CTNNA2: variants seen among roughly 807,000 people sequenced by gnomAD.
The protein encoded by CTNNA2 is catenin alpha 2.
Under a neutral mutation model 101.0 loss-of-function variants are expected in CTNNA2, and 42 were observed. That is an observed-to-expected ratio of 0.42 (90% CI 0.32 to 0.54). The LOEUF (loss-of-function observed/expected upper bound fraction) is 0.54, where lower values mean the gene tolerates loss of function less well. CTNNA2 is among the 20% of genes least tolerant of loss of function. The pLI is 0.14. For missense variants in CTNNA2, 871 were observed against 1,223.1 expected, an observed-to-expected ratio of 0.71 and a Z score of 4.29; for synonymous variants, 450 against 456.4, an observed-to-expected ratio of 0.99 and a Z score of 0.18.
chr2:79,671,794 T>G (rs1203973835), intron 2 of CTNNA2, among the ~76,000 whole-genome samples: 3 of 152,244 alleles, frequency 2.0e-5, no homozygotes, highest in Admixed American at 2.0e-4. Context: ...GAGATCTTGT[T>G]CTGGATTACT....
At chr2:80,610,131 T>C (rs1698337406) in intron 17 of CTNNA2, among the ~76,000 whole-genome samples, 2 of 151,700 alleles carry the variant, frequency 1.3e-5, no homozygotes, top group Admixed American at 6.6e-5. Context: ...AAATATTTGC[T>C]ATATATGCTC....
rs568787769 is a variant in CTNNA2 at position 79,696,810 on chromosome 2, T to C, written c.102+45152T>C. Among the ~76,000 whole-genome samples, 9 of 152,174 alleles carry C rather than the reference T, an allele frequency of 5.9e-5. No homozygotes were observed. In the East Asian group the frequency reaches 1.4e-3, roughly 23 times the overall value. On this transcript the variant is annotated intron_variant, in intron 2 of 18. Transcript: ENST00000402739. ...GAGTACCTTGAGAATCACTTGTTGT[T>C]GGAAGACTTGTCTTCTATAGCTTAA...
chr2:79,938,393 T>A (rs187162806), intron 7 of CTNNA2, among the ~76,000 whole-genome samples: 1 of 152,312 alleles, frequency 6.6e-6, no homozygotes, highest in East Asian at 1.9e-4. Context: ...TAAAGATATT[T>A]CTCAGTGTAA....
chr2:79,812,640 G>A (rs1490233619), intron 3 of CTNNA2, among the ~76,000 whole-genome samples: 3 of 152,048 alleles, frequency 2.0e-5, no homozygotes. Flanking sequence ...TGCATCTTCG[G>A]CTGTTTTGGT....
chr2:80,612,096 C>G (rs1221667603), intron 17 of CTNNA2, among the ~76,000 whole-genome samples: 3 of 151,474 alleles, frequency 2.0e-5, no homozygotes, highest in Non-Finnish European at 4.4e-5. Flanking sequence ...CTAATATGTA[C>G]TTTTGTTCTT....
At chr2:80,031,815 T>C (rs1695308975) in intron 7 of CTNNA2, among the ~76,000 whole-genome samples, 1 of 152,230 alleles carries the variant, frequency 6.6e-6, no homozygotes, top group African/African-American at 2.4e-5. Flanking sequence ...ATAATTCTAA[T>C]TGATTTTGGT....
At chr2:80,579,603 C>A (rs1326040809) in intron 13 of CTNNA2, 3 of 152,154 alleles carry the variant, frequency 2.0e-5, no homozygotes, top group African/African-American at 7.2e-5. Context: ...AATATGAGAA[C>A]AAAACCTCTT....
rs934962390 is a variant in CTNNA2, at chr2:79,574,388, G to T, written c.-6+61181G>T. 3.4e-4 allele frequency among the ~76,000 whole-genome samples: 52 copies of T among 151,924 alleles called. 1 individual carries two copies. On this transcript the variant is annotated intron_variant, in intron 1 of 18. Transcript: ENST00000402739. The stretch of plus-strand genomic sequence containing the variant: ...CCTTCCACCCTCCACCCTCAAGTAG[G>T]CTCCTGTATCTGTTGTTCTTTTCTT...
intron 3 of CTNNA2, among the ~76,000 whole-genome samples, chr2:79,852,015 G>T (rs1056323628): frequency 3.3e-5 from 5 of 151,880 alleles, no homozygotes; most frequent in African/African-American, 1.2e-4. Flanking sequence ...TGGGATTACA[G>T]GTGTGAGCCA....
chr2:79,841,527 G>A (rs1189910022), intron 3 of CTNNA2, among the ~76,000 whole-genome samples: 1 of 152,020 alleles, frequency 6.6e-6, no homozygotes, highest in Admixed American at 6.6e-5. Context: ...TCTGTCATGG[G>A]ATGAAATATT....
At chr2:80,367,075 A>C (rs973427476) in intron 7 of CTNNA2, among the ~76,000 whole-genome samples, 1 of 151,772 alleles carries the variant, frequency 6.6e-6, no homozygotes, top group African/African-American at 2.4e-5. Context: ...ATGTATCTCA[A>C]AGAGCAGGGG....
At chr2:79,748,976 G>T (rs1301053701) in intron 3 of CTNNA2, among the ~76,000 whole-genome samples, 1 of 152,094 alleles carries the variant, frequency 6.6e-6, no homozygotes, top group African/African-American at 2.4e-5. Flanking sequence ...GAGTTTTACT[G>T]GGGGGCTTAC....
At chr2:79,619,573 A>G (rs1033646437) in intron 1 of CTNNA2, among the ~76,000 whole-genome samples, 10 of 152,188 alleles carry the variant, frequency 6.6e-5, no homozygotes, top group African/African-American at 2.4e-4. Context: ...TTTGAGTCTC[A>G]AGATTTTAAA....
intron 1 of CTNNA2, among the ~76,000 whole-genome samples, chr2:79,594,542 T>C (rs1028069893): frequency 2.0e-4 from 30 of 152,202 alleles, no homozygotes; most frequent in African/African-American, 7.2e-4. Context: ...TAAGTATCAG[T>C]CATTACTGCC....
intron 7 of CTNNA2, among the ~76,000 whole-genome samples, chr2:80,189,975 C>T (rs1706379924): frequency 6.6e-6 from 1 of 151,384 alleles, no homozygotes; most frequent in Non-Finnish European, 1.5e-5. Context: ...TTAACTAAGA[C>T]TTTGAGGTCA....
At chr2:80,004,292 G>A (rs1338915557) in intron 7 of CTNNA2, among the ~76,000 whole-genome samples, 1 of 152,126 alleles carries the variant, frequency 6.6e-6, no homozygotes, top group Non-Finnish European at 1.5e-5. Flanking sequence ...ATAATTCAAT[G>A]CTTAATGTGT....
At chr2:80,644,302 G>A (rs780469014) in intron 18 of CTNNA2, among the ~76,000 whole-genome samples, 22 of 152,116 alleles carry the variant, frequency 1.4e-4, no homozygotes, top group African/African-American at 2.9e-4. Flanking sequence ...AATGTCAGGC[G>A]TCTAGTAAGT....
intron 1 of CTNNA2, among the ~76,000 whole-genome samples, chr2:79,583,842 A>G (rs1208792409): frequency 2.0e-5 from 3 of 152,168 alleles, no homozygotes; most frequent in Non-Finnish European, 4.4e-5. Flanking sequence ...CTTCTCCAAA[A>G]CATTTGTTTT....
intron 7 of CTNNA2, among the ~76,000 whole-genome samples, chr2:79,947,317 A>C (rs2974138): frequency 0.93 from 140,891 of 152,212 alleles, 65,263 homozygotes; most frequent in East Asian, 0.95. Context: ...AGATGGGTCA[A>C]ATATCCTAGT....
Sources: allele counts gnomAD v4.1 joint callset (sites outside exome capture counted in the v4.1 genomes callset), GRCh38; gene constraint gnomAD v4.1.1; transcripts MANE v1.5; gene names NCBI Gene and HGNC (gene_info 2026-07-23, HGNC 2026-07-21).